LAPTM4A: variants seen among roughly 807,000 people sequenced by gnomAD.
The protein encoded by LAPTM4A is lysosomal protein transmembrane 4 alpha, also known as lysosomal-associated transmembrane protein 4A.
A neutral mutation model predicts 29.9 loss-of-function variants in LAPTM4A; 19 were observed. The ratio of observed to expected loss-of-function variants is 0.64; its 90% CI spans 0.44 to 0.93. The LOEUF (loss-of-function observed/expected upper bound fraction) is 0.93, where lower values mean the gene tolerates loss of function less well. Among genes scored for constraint, LAPTM4A ranks in the 40% least tolerant of loss-of-function variants. The pLI, the probability that LAPTM4A is intolerant of heterozygous loss-of-function variation, is 0.00. For synonymous variants in LAPTM4A, 105 were observed against 102.1 expected (o/e 1.03, Z -0.17); for missense variants, 293 against 288.5 (o/e 1.02, Z -0.11).
intron 1 of LAPTM4A, among the ~76,000 whole-genome samples, chr2:20,046,252 G>C (rs771539989): frequency 6.6e-6 from 1 of 152,056 alleles, no homozygotes; most frequent in Non-Finnish European, 1.5e-5. Flanking sequence ...TAATGTAAAT[G>C]ATGAGTTGAT....
At chr2:20,041,120 A>G (rs1317268827) in intron 1 of LAPTM4A, 109 bp from the exon 2 acceptor site, 32 of 1,044,832 alleles carry the variant, frequency 3.1e-5, no homozygotes. Context: ...TGAAGTAACA[A>G]AGATATAAAA....
At chr2:20,047,696 CAAAA>C (rs61601787) in intron 1 of LAPTM4A, among the ~76,000 whole-genome samples, 2 of 76,710 alleles carry the variant, frequency 2.6e-5, no homozygotes, top group Admixed American at 1.4e-4. Flanking sequence ...GACTCCGTCT[CAAAA>C]AAAAAAAAAA....
chr2:20,040,797 C>T, intron 2 of LAPTM4A, 94 bp downstream of exon 2: 1 of 1,152,012 alleles, frequency 8.7e-7, no homozygotes, highest in Admixed American at 1.9e-5. Context: ...CACCCAGTGA[C>T]ATTTCTCAGA....
At chr2:20,037,751 T>TA (rs57679180) in intron 2 of LAPTM4A, 137 bp from the exon 3 acceptor site, 3,701 of 361,372 alleles carry the variant, frequency 0.01, no homozygotes, top group Middle Eastern at 0.015. Context: ...GCCAAGAGGG[T>TA]AAAAAAAAAA....
chr2:20,034,126 G>A (rs530775801), intron 6 of LAPTM4A, among the ~76,000 whole-genome samples, 191 bp downstream of exon 6: 5 of 152,274 alleles, frequency 3.3e-5, no homozygotes, highest in Non-Finnish European at 7.3e-5. Context: ...GATGAGACAA[G>A]CGACCCAGGT....
chr2:20,035,102 G>A (rs1336735553), intron 4 of LAPTM4A, 40 bp from the exon 5 acceptor site: 16 of 1,347,374 alleles, frequency 1.2e-5, no homozygotes, highest in African/African-American at 4.3e-5. Context: ...GTCAGCCATC[G>A]CACTAGCACT....
rs928775736 is a variant in LAPTM4A at position 20,048,857 on chromosome 2, C to T, written c.111+2553G>A. Among the ~76,000 whole-genome samples the T allele has an allele frequency of 7.9e-5, 12 of 152,182 alleles. No homozygotes were observed. The South Asian group carries it at 8.3e-4, about 10-fold the overall frequency. ...GCACTACTTGGACAAGCCTTCTTTG[C>T]TTCGAAGTATTATACTACAGTTTGG... On this transcript the variant is annotated intron_variant, in intron 1 of 6. Transcript: ENST00000175091.
intron 5 of LAPTM4A, 79 bp downstream of exon 5, chr2:20,034,888 G>A: frequency 2.0e-6 from 2 of 988,074 alleles, no homozygotes; most frequent in Admixed American, 4.0e-5. Context: ...CCTGTGACTT[G>A]TAAGGTGAAA....
intron 1 of LAPTM4A, among the ~76,000 whole-genome samples, chr2:20,044,899 C>G (rs988296977): frequency 1.3e-5 from 2 of 152,158 alleles, no homozygotes; most frequent in African/African-American, 2.4e-5. Flanking sequence ...GAAAACCCAT[C>G]CTTGTGACTT....
intron 2 of LAPTM4A, among the ~76,000 whole-genome samples, chr2:20,038,239 C>T (rs1318079743): frequency 6.6e-6 from 1 of 152,206 alleles, no homozygotes; most frequent in Non-Finnish European, 1.5e-5. Flanking sequence ...ACCCTGGTAT[C>T]TATGTTAACA....
intron 4 of LAPTM4A, among the ~76,000 whole-genome samples, chr2:20,037,113 T>G (rs568103911): frequency 6.6e-6 from 1 of 152,336 alleles, no homozygotes; most frequent in East Asian, 1.9e-4. Flanking sequence ...TACTGCATTA[T>G]CCAAATGGAT....
intron 1 of LAPTM4A, among the ~76,000 whole-genome samples, chr2:20,041,558 T>A (rs1004038129): frequency 6.6e-6 from 1 of 152,126 alleles, no homozygotes; most frequent in Non-Finnish European, 1.5e-5. Context: ...GTGTGTGATA[T>A]GGAGTCTCAC....
chr2:20,034,212 C>T, intron 6 of LAPTM4A, 105 bp downstream of exon 6: 4 of 825,020 alleles, frequency 4.8e-6, no homozygotes, highest in Non-Finnish European at 8.4e-6. Flanking sequence ...GGTTCATGCC[C>T]AAACCATAGG....
intron 2 of LAPTM4A, among the ~76,000 whole-genome samples, chr2:20,040,320 G>C (rs1435919238): frequency 4.6e-5 from 7 of 152,016 alleles, no homozygotes; most frequent in Admixed American, 4.6e-4. Flanking sequence ...ACATTTTCTG[G>C]CTAGAAATGC....
chr2:20,041,124 T>C lies in LAPTM4A; in HGVS notation c.112-113A>G. On this transcript the variant is annotated intron_variant, in intron 1 of 6. Transcript: ENST00000175091. Reference sequence around the variant, plus strand: ...ATTGTCTTACTTGAAGTAACAAAGATATAAAATAGTGGGAGACTACCTGTG... The same window carrying C: ...ATTGTCTTACTTGAAGTAACAAAGACATAAAATAGTGGGAGACTACCTGTG... The C allele has an allele frequency of 5.3e-6, 5 of 952,376 alleles. No individual in the cohort carries two copies. The South Asian group carries it at 8.4e-5, about 16-fold the overall frequency. The allele number at this position is 952,376 out of a possible 1,614,324, so 59.0% of individuals were successfully genotyped here. A position where few individuals can be genotyped will look rare whatever the true frequency, so the allele number is the denominator to read the frequency against.
intron 1 of LAPTM4A, among the ~76,000 whole-genome samples, chr2:20,048,215 T>A (rs144980259): frequency 6.5e-4 from 99 of 152,364 alleles, no homozygotes; most frequent in African/African-American, 2.4e-3. Context: ...TTAAGTCCAT[T>A]TTCAATTATT....
chr2:20,034,284 G>A (rs1413606213), intron 6 of LAPTM4A, 33 bp downstream of exon 6: 2 of 1,370,604 alleles, frequency 1.5e-6, no homozygotes, highest in Non-Finnish European at 2.1e-6. Flanking sequence ...AATAGTGACT[G>A]GTGACCTTTT....
rs201967619 is a variant in LAPTM4A at position 20,051,326 on chromosome 2, ACC to A, written c.111+82_111+83del. On this transcript the variant is annotated intron_variant, in intron 1 of 6. Transcript: ENST00000175091. The stretch of plus-strand genomic sequence containing the variant: ...CCTCCAAGTCCCCGCCCCACCCAAC[ACC>A]CCGTTTCCAGTCTCACCCCCTCCGC... 2,832 of 760,888 alleles carry A rather than the reference ACC, an allele frequency of 3.7e-3. 74 individuals carry two copies. In the African/African-American group the frequency reaches 0.048, roughly 13 times the overall value. The allele number at this position is 760,888 out of a possible 1,614,324, so 47.1% of individuals were successfully genotyped here. A position where few individuals can be genotyped will look rare whatever the true frequency, so the allele number is the denominator to read the frequency against.
rs1179437601 is a variant in LAPTM4A at position 20,051,411 on chromosome 2, A to T, written c.110T>A (p.Met37Lys). Residue 37 changes from methionine (M) to lysine (K), a missense_variant and splice_region_variant, in exon 1 of 7, where the codon ATG becomes AAG. Transcript: ENST00000175091. ...TGTIILGTWY[M>K]VVNLLMAILL... ...ACGCGCCACGCCTGCCCGCCTTACC[A>T]TGTACCAGGTCCCCAGGATGATCGT... is the stretch of plus-strand genomic sequence containing the variant. 1 of 1,597,108 alleles carries T rather than the reference A, an allele frequency of 6.3e-7. No individual in the cohort carries two copies. The highest frequency in any genetic ancestry group is 1.4e-5 in the African/African-American group (1 of 72,330).
Sources: allele counts gnomAD v4.1 joint callset (sites outside exome capture counted in the v4.1 genomes callset), GRCh38; gene constraint gnomAD v4.1.1; transcripts MANE v1.5; gene names NCBI Gene and HGNC (gene_info 2026-07-23, HGNC 2026-07-21).